The following CELF2 variants were observed in gnomAD, a reference collection of about 807,000 sequenced individuals.
CELF2 encodes the protein CUG triplet repeat RNA-binding protein 2.
A neutral mutation model predicts 62.6 loss-of-function variants in CELF2; 8 were observed. The observed-to-expected ratio is 0.13, with a 90% CI of 0.07 to 0.23. CELF2 has a LOEUF of 0.23. Ranked by LOEUF, CELF2 falls within the 10% of genes least tolerant of loss-of-function variation. The pLI, the probability that CELF2 is intolerant of heterozygous loss-of-function variation, is 1.00. For missense variants in CELF2, 333 were observed against 671.0 expected (o/e 0.50, Z 5.56); for synonymous variants, 258 against 250.0 (o/e 1.03, Z -0.30).
the CELF2 span, among the ~76,000 whole-genome samples, chr10:10,712,217 C>T: frequency 6.8e-6 from 1 of 146,022 alleles, no homozygotes; most frequent in Non-Finnish European, 1.5e-5. Flanking sequence ...CTTTGAATGG[C>T]AGGTCATCTG....
upstream of CELF2, among the ~76,000 whole-genome samples, chr10:11,003,782 A>G (rs192011440): frequency 5.9e-5 from 9 of 152,242 alleles, no homozygotes; most frequent in South Asian, 2.1e-4. The surrounding 1 kb of genome is among the most constrained non-coding windows in gnomAD (Gnocchi z 4.4). Flanking sequence ...ATTCGCTGGC[A>G]AGGTTGTTCA....
intron 1 of CELF2, among the ~76,000 whole-genome samples, chr10:11,045,755 A>G (rs1593934196): frequency 1.3e-5 from 2 of 152,316 alleles, no homozygotes; most frequent in South Asian, 4.1e-4. Flanking sequence ...TTGTTGAAAA[A>G]GGGAACGGGG....
intron 1 of CELF2, among the ~76,000 whole-genome samples, chr10:10,849,032 A>C (rs760845122): frequency 4.6e-5 from 7 of 152,128 alleles, no homozygotes; most frequent in Admixed American, 2.0e-4. Flanking sequence ...TCTTAATTAC[A>C]AACAACAATA....
chr10:10,578,359 A>G, the CELF2 span, among the ~76,000 whole-genome samples: 2 of 152,068 alleles, frequency 1.3e-5, no homozygotes, highest in Non-Finnish European at 2.9e-5. Flanking sequence ...GAAGCTCTTT[A>G]GTTTAATTAG....
Position 11,041,270 on chromosome 10 carries a change from A to G in CELF2, c.74+23107A>G, listed in dbSNP as rs146016699. On this transcript the variant is annotated intron_variant, in intron 1 of 12. Coordinates refer to ENST00000633077, the MANE Select transcript of CELF2 (RefSeq NM_001326342.2). ...TCATGTTGGGGGTTAGGACTTTAAC[A>G]TACGCATTTTAGGGGGACACAGTCA... is the stretch of plus-strand genomic sequence containing the variant. Among the ~76,000 whole-genome samples the G allele has an allele frequency of 2.6e-3, 395 of 152,272 alleles. 2 individuals carry two copies. Among genetic ancestry groups the G allele is most frequent in the East Asian group, 0.022 (112 of 5,182 alleles).
the CELF2 span, among the ~76,000 whole-genome samples, chr10:10,716,604 G>A: frequency 1.3e-5 from 2 of 152,140 alleles, no homozygotes; most frequent in Non-Finnish European, 2.9e-5. Flanking sequence ...TGTTAGTTTG[G>A]CTTTTTGGAA....
chr10:10,909,090 G>T (rs573983918), intron 1 of CELF2, among the ~76,000 whole-genome samples: 10 of 152,144 alleles, frequency 6.6e-5, no homozygotes, highest in Non-Finnish European at 1.3e-4. Context: ...ATGCCTGGCC[G>T]CTGGTGCATT....
rs149155261 is a variant in CELF2, at chr10:11,270,613, G to A, written c.619-53G>A. 8.9e-5 allele frequency: 121 copies of A among 1,359,448 alleles called. No individual in the cohort carries two copies. The highest frequency in any genetic ancestry group is 5.1e-4 in the African/African-American group (34 of 67,166). The allele number at this position is 1,359,448 out of a possible 1,614,324, so 84.2% of individuals were successfully genotyped here. A position where few individuals can be genotyped will look rare whatever the true frequency, so the allele number is the denominator to read the frequency against. ...AGCTCCGGTGCTGAGTGTCGTGAGCGGATTCCGCCAGCCTGTAACCCCCTC... is the reference window on the plus strand; with the variant it reads ...AGCTCCGGTGCTGAGTGTCGTGAGCAGATTCCGCCAGCCTGTAACCCCCTC... On this transcript the variant is annotated intron_variant, in intron 6 of 12. Coordinates refer to ENST00000633077, the MANE Select transcript of CELF2 (RefSeq NM_001326342.2). This position sits in a 1 kb window ranked among gnomAD's most constrained non-coding sequence, Gnocchi z 5.8.
At chr10:10,507,120 A>G in the CELF2 span, among the ~76,000 whole-genome samples, 2 of 152,090 alleles carry the variant, frequency 1.3e-5, no homozygotes, top group Non-Finnish European at 2.9e-5. Flanking sequence ...TCGCTGTCCT[A>G]GGTTTCAGGC....
intron 1 of CELF2, among the ~76,000 whole-genome samples, chr10:10,866,607 CAAAAAA>C (rs55875778): frequency 0.012 from 639 of 52,500 alleles, 1 homozygote; most frequent in Non-Finnish European, 0.017. Flanking sequence ...TCCATCCTCT[CAAAAAA>C]AAAAAAAAAA....
intron 2 of CELF2, among the ~76,000 whole-genome samples, chr10:11,166,999 A>G (rs1449860623): frequency 2.0e-5 from 3 of 152,258 alleles, no homozygotes; most frequent in African/African-American, 7.2e-5. Context: ...ATAACACTCT[A>G]GTTTTCCAAA....
At chr10:10,663,634 A>G in the CELF2 span, among the ~76,000 whole-genome samples, 1 of 152,258 alleles carries the variant, frequency 6.6e-6, no homozygotes, top group South Asian at 2.1e-4. Context: ...TGGAAAATAC[A>G]GGGTAAGATG....
chr10:10,749,308 T>G, the CELF2 span, among the ~76,000 whole-genome samples: 5 of 152,204 alleles, frequency 3.3e-5, no homozygotes, highest in South Asian at 2.1e-4. Context: ...ACAGAAGGCA[T>G]ATCACCTTCT....
rs570895296 is a variant in CELF2, at chr10:10,937,767, C to T, written c.89+17768C>T. 1.1e-3 allele frequency among the ~76,000 whole-genome samples: 172 copies of T among 151,940 alleles called. 2 individuals are homozygous for T. The highest frequency in any genetic ancestry group is 4.1e-3 in the African/African-American group (169 of 41,422). ...GTTATTTGTGTGAAGTAATTGAGTT[C>T]CTAGATGTTCTCATTCTGTATCAGT... On this transcript the variant is annotated intron_variant, in intron 2 of 13. Transcript: ENST00000636488.
intron 1 of CELF2, among the ~76,000 whole-genome samples, chr10:11,164,318 G>A (rs619030): frequency 0.25 from 37,826 of 152,130 alleles, 5,790 homozygotes; most frequent in East Asian, 0.66. Context: ...CCTGCTCAAA[G>A]GAGGGTGGGG....
the CELF2 span, among the ~76,000 whole-genome samples, chr10:10,676,023 G>C: frequency 6.6e-6 from 1 of 152,026 alleles, no homozygotes; most frequent in African/African-American, 2.4e-5. Flanking sequence ...ATCTTTTCTT[G>C]GTAGCTGGAG....
At chr10:11,180,642 G>A (rs998520323) in intron 2 of CELF2, among the ~76,000 whole-genome samples, 2 of 152,250 alleles carry the variant, frequency 1.3e-5, no homozygotes, top group South Asian at 2.1e-4. Flanking sequence ...ATCAGTTCTC[G>A]GTAGTATTGA....
At position 10,949,442 on chromosome 10, in the gene CELF2, G is replaced by A. The variant is rs548298512; in HGVS notation, c.89+29443G>A. Among the ~76,000 whole-genome samples the A allele has an allele frequency of 3.9e-5, 6 of 152,182 alleles. No homozygotes were observed. The East Asian group carries it at 9.7e-4, about 25-fold the overall frequency. On this transcript the variant is annotated intron_variant, in intron 2 of 13. Coordinates refer to the CELF2 transcript ENST00000636488. ...GTGGAGGCCATCATGCCGCAGAGGA[G>A]GGTGGCAGAAGCTTCTCAAGCAGGA...
At chr10:11,135,758 T>A (rs1273381999) in intron 1 of CELF2, among the ~76,000 whole-genome samples, 2 of 152,232 alleles carry the variant, frequency 1.3e-5, no homozygotes, top group Non-Finnish European at 2.9e-5. Context: ...CATCCCTGAC[T>A]AATGAATTTT....
Sources: allele counts gnomAD v4.1 joint callset (sites outside exome capture counted in the v4.1 genomes callset), GRCh38; gene constraint gnomAD v4.1.1; non-coding constraint Gnocchi (gnomAD v3.1); transcripts MANE v1.5; gene names NCBI Gene and HGNC (gene_info 2026-07-23, HGNC 2026-07-21).